Variants in ADAMTS14 observed in about 807,000 individuals in gnomAD.
ADAMTS14 encodes the protein ADAM metallopeptidase with thrombospondin type 1 motif 14.
In ADAMTS14, 100 loss-of-function variants were observed where a neutral mutation model predicts 128.6. That is an observed-to-expected ratio of 0.78 (90% CI 0.66 to 0.92). ADAMTS14 has a LOEUF of 0.92. Ranked by LOEUF, ADAMTS14 falls within the 40% of genes least tolerant of loss-of-function variation. The pLI is 0.00. For synonymous variants in ADAMTS14, 665 were observed against 653.8 expected, an observed-to-expected ratio of 1.02 and a Z score of -0.26; for missense variants, 1,562 against 1,658.6, an observed-to-expected ratio of 0.94 and a Z score of 1.01.
intron 12 of ADAMTS14, among the ~76,000 whole-genome samples, chr10:70,742,196 C>T (rs1018489926): frequency 3.3e-5 from 5 of 152,328 alleles, no homozygotes; most frequent in East Asian, 3.9e-4. Context: ...CCACTCCCTT[C>T]GCACTGTTGC....
intron 21 of ADAMTS14, among the ~76,000 whole-genome samples, chr10:70,759,586 G>T (rs1028441938): frequency 2.6e-5 from 4 of 152,240 alleles, no homozygotes; most frequent in African/African-American, 9.6e-5. Context: ...AGCAACTGAG[G>T]CTTGGAGGGT....
Position 70,752,243 on chromosome 10 carries a change from G to A in ADAMTS14, c.2729+16G>A, listed in dbSNP as rs1384429113. 8.1e-6 allele frequency: 13 copies of A among 1,612,554 alleles called. No homozygotes were observed. The highest frequency in any genetic ancestry group is 9.3e-6 in the Non-Finnish European group (11 of 1,179,402). On this transcript the variant is annotated intron_variant, in intron 18 of 21. Coordinates refer to ENST00000373207, the MANE Select transcript of ADAMTS14 (RefSeq NM_080722.4). Reference sequence around the variant, plus strand: ...CTCAGCCTGTGTGAGTGCTCCCAGGGAGGGACGGGGAGTCTGGTTCTATGC... The same window carrying A: ...CTCAGCCTGTGTGAGTGCTCCCAGGAAGGGACGGGGAGTCTGGTTCTATGC...
intron 8 of ADAMTS14, 86 bp from the exon 9 acceptor site, chr10:70,735,083 G>T (rs1564546457): frequency 1.3e-6 from 2 of 1,518,158 alleles, no homozygotes; most frequent in Admixed American, 1.9e-5. Context: ...TGCAGGCCTT[G>T]CTCATGAAAA....
intron 4 of ADAMTS14, among the ~76,000 whole-genome samples, chr10:70,718,023 G>A (rs544216342): frequency 2.6e-5 from 4 of 152,334 alleles, no homozygotes; most frequent in South Asian, 2.1e-4. Flanking sequence ...AGGTTTTGGC[G>A]CAGTTGGCTG....
At chr10:70,750,223 A>G (rs1842311013) in intron 16 of ADAMTS14, among the ~76,000 whole-genome samples, 5 of 152,344 alleles carry the variant, frequency 3.3e-5, no homozygotes, top group Admixed American at 3.3e-4. Flanking sequence ...TGTTACATGC[A>G]GGGAGCCTGC....
In ADAMTS14 at chr10:70,715,793, G is replaced by A. The variant is rs115288946; in HGVS notation, c.870+7015G>A. Reference sequence around the variant, plus strand: ...GCCTGAAACGTGATGCATTCAGAAGGGGGTAGGAAGCCCTCCAATCTGGAG... The same window carrying A: ...GCCTGAAACGTGATGCATTCAGAAGAGGGTAGGAAGCCCTCCAATCTGGAG... On this transcript the variant is annotated intron_variant, in intron 4 of 21. Transcript: ENST00000373207. 6.6e-3 allele frequency among the ~76,000 whole-genome samples: 999 copies of A among 152,270 alleles called. 10 individuals are homozygous for A. The highest frequency in any genetic ancestry group is 0.022 in the African/African-American group (912 of 41,532).
chr10:70,732,782 C>T (rs992648548), intron 7 of ADAMTS14, among the ~76,000 whole-genome samples: 2 of 152,240 alleles, frequency 1.3e-5, no homozygotes, highest in African/African-American at 4.8e-5. Context: ...ACTCAGCACT[C>T]ATTGGAGTGC....
rs956012820 is a variant in ADAMTS14, at chr10:70,741,182, C to T, written c.1924+20C>T. The stretch of plus-strand genomic sequence containing the variant: ...ACGATGGTGAGTGGGCCCCACCCCC[C>T]TCCCACTCCATGTCCTTAGGCATCT... On this transcript the variant is annotated intron_variant, in intron 12 of 21. Coordinates refer to ENST00000373207, the MANE Select transcript of ADAMTS14 (RefSeq NM_080722.4). 6.2e-7 allele frequency: 1 copy of T among 1,609,136 alleles called. No individual in the cohort carries two copies. The highest frequency in any genetic ancestry group is 1.3e-5 in the African/African-American group (1 of 74,484).
intron 15 of ADAMTS14, 148 bp from the exon 16 acceptor site, chr10:70,749,674 T>C: frequency 8.7e-6 from 8 of 918,984 alleles, no homozygotes; most frequent in Non-Finnish European, 1.3e-5. Flanking sequence ...TGTTGACCTG[T>C]CTGACTCGGG....
intron 6 of ADAMTS14, 59 bp downstream of exon 6, chr10:70,730,308 G>T: frequency 6.4e-7 from 1 of 1,560,898 alleles, no homozygotes. Flanking sequence ...GGCAGACAGA[G>T]GCTGGGCCTG....
chr10:70,680,571 G>A (rs937771054), intron 2 of ADAMTS14, among the ~76,000 whole-genome samples: 4 of 152,132 alleles, frequency 2.6e-5, no homozygotes, highest in South Asian at 2.1e-4. Context: ...GACCTTGAGC[G>A]AGTGTCTTCA....
intron 15 of ADAMTS14, among the ~76,000 whole-genome samples, chr10:70,749,203 C>A (rs1449052562): frequency 1.3e-5 from 2 of 152,190 alleles, no homozygotes; most frequent in Non-Finnish European, 2.9e-5. Flanking sequence ...CTGCGCATCA[C>A]TACTTGCCAA....
chr10:70,723,935 C>T (rs982829542), intron 4 of ADAMTS14, among the ~76,000 whole-genome samples: 1 of 152,238 alleles, frequency 6.6e-6, no homozygotes, highest in African/African-American at 2.4e-5. Context: ...TCTTGGCCTT[C>T]TCACTTCTAG....
chr10:70,685,092 G>A (rs1321585375), intron 2 of ADAMTS14, among the ~76,000 whole-genome samples: 1 of 152,256 alleles, frequency 6.6e-6, no homozygotes, highest in Non-Finnish European at 1.5e-5. Flanking sequence ...GGCACTGGCT[G>A]GAGGGAGGGC....
chr10:70,741,149 C>G lies in ADAMTS14; in HGVS notation c.1911C>G (p.Tyr637Ter), dbSNP rs762790450. 3.7e-6 allele frequency: 6 copies of G among 1,612,746 alleles called. No homozygotes were observed. The Admixed American group carries it at 8.3e-5, about 22-fold the overall frequency. ...HQNAKHSWVP[Y>*]EPDDDAQKCE... ...ATGCCAAGCACAGCTGGGTGCCCTA[C>G]GAGCCTGACGATGGTGAGTGGGCCC... Residue 637 changes from tyrosine to a stop codon, truncating the protein, a stop_gained, in exon 12 of 22, where the codon TAC becomes TAG. Coordinates refer to ENST00000373207, the MANE Select transcript of ADAMTS14 (RefSeq NM_080722.4). LOFTEE classifies it high-confidence loss of function.
chr10:70,741,068 C>T lies in ADAMTS14; in HGVS notation c.1830C>T (p.Tyr610=), dbSNP rs75615682. ...ACAGCGAGGAGTGCCCTGGGACCTA[C>T]GAGGACTTCCGGGCCCAGCAGTGTG... ...VCNSEECPGT[Y]EDFRAQQCAK... is the part of the protein sequence containing the mutation. The change falls in exon 12 of 22, where the codon TAC becomes TAT. Residue 610 remains tyrosine, a synonymous_variant. Transcript: ENST00000373207. 9,782 of 1,614,068 alleles carry T rather than the reference C, an allele frequency of 6.1e-3. 513 individuals are homozygous for T. The African/African-American group carries it at 0.12, about 19-fold the overall frequency.
At chr10:70,705,027 G>A (rs542722320) in intron 3 of ADAMTS14, among the ~76,000 whole-genome samples, 49 of 151,824 alleles carry the variant, frequency 3.2e-4, no homozygotes, top group African/African-American at 9.7e-4. Context: ...TCACACACTC[G>A]CACACTCTCA....
At chr10:70,713,324 T>TGA (rs1290170490) in intron 4 of ADAMTS14, among the ~76,000 whole-genome samples, 3 of 100,922 alleles carry the variant, frequency 3.0e-5, no homozygotes. Flanking sequence ...CTCTGTGGGA[T>TGA]GAGGTATTGG....
intron 2 of ADAMTS14, among the ~76,000 whole-genome samples, chr10:70,701,134 T>A (rs957098227): frequency 6.6e-6 from 1 of 152,172 alleles, no homozygotes; most frequent in Non-Finnish European, 1.5e-5. Flanking sequence ...AAAGAAAAGG[T>A]TGGCTGCTGC....
Sources: allele counts gnomAD v4.1 joint callset (sites outside exome capture counted in the v4.1 genomes callset), GRCh38; gene constraint gnomAD v4.1.1; transcripts MANE v1.5; gene names NCBI Gene and HGNC (gene_info 2026-07-23, HGNC 2026-07-21).